The following KSR2 variants were observed in gnomAD, a reference collection of about 807,000 sequenced individuals.
KSR2 encodes kinase suppressor of ras 2.
KSR2 carries 25 observed loss-of-function variants against 107.8 expected under a neutral mutation model. The observed-to-expected ratio is 0.23, with a 90% CI of 0.17 to 0.32. KSR2 has a LOEUF of 0.32. KSR2 is among the 10% of genes least tolerant of loss of function. The probability of loss-of-function intolerance (pLI) is 1.00; values close to 1 mark genes in which losing one functional copy is unlikely to be tolerated. For missense variants in KSR2, 887 were observed against 1,268.9 expected, an observed-to-expected ratio of 0.70 and a Z score of 4.57; for synonymous variants, 480 against 507.0, an observed-to-expected ratio of 0.95 and a Z score of 0.71.
At chr12:117,730,473 TCTCC>T (rs1887619748) in intron 4 of KSR2, among the ~76,000 whole-genome samples, 2 of 149,362 alleles carry the variant, frequency 1.3e-5, no homozygotes, top group Non-Finnish European at 3.0e-5. Flanking sequence ...TCGTCTCCCC[TCTCC>T]CTCGTCTCCC....
At chr12:117,474,591 G>A (rs1871661769) in intron 17 of KSR2, among the ~76,000 whole-genome samples, 1 of 152,066 alleles carries the variant, frequency 6.6e-6, no homozygotes, top group South Asian at 2.1e-4. Flanking sequence ...TGTGGACAAG[G>A]TTAGGCAAGG....
intron 9 of KSR2, among the ~76,000 whole-genome samples, chr12:117,544,061 C>T (rs1335977862): frequency 6.6e-6 from 1 of 152,176 alleles, no homozygotes; most frequent in Non-Finnish European, 1.5e-5. Flanking sequence ...CTGCAAAGTT[C>T]CTATTTCCAA....
At chr12:117,877,461 T>C (rs756801777) in intron 1 of KSR2, among the ~76,000 whole-genome samples, 37 of 152,328 alleles carry the variant, frequency 2.4e-4, no homozygotes, top group Non-Finnish European at 5.0e-4. Context: ...ATGCTAGCCC[T>C]GTGCCTACTG....
intron 9 of KSR2, among the ~76,000 whole-genome samples, chr12:117,540,761 G>C (rs142449564): frequency 6.6e-6 from 1 of 152,308 alleles, no homozygotes; most frequent in African/African-American, 2.4e-5. Flanking sequence ...CTGGGAGAGA[G>C]GCATGGAACA....
rs1870778837 is a variant in KSR2, at chr12:117,459,325, T to C, written c.*7874A>G. ...CTGACTTAGGGGAGTTTATTATAGC[T>C]TCCCTCTCTGGGCCTCAGATCCTGC... On this transcript the variant is annotated 3_prime_UTR_variant, in exon 20 of 20. Coordinates refer to ENST00000339824, the MANE Select transcript of KSR2 (RefSeq NM_173598.6). 1 of 150,744 alleles carries C rather than the reference T, an allele frequency of 6.6e-6. No individual in the cohort carries two copies. Among genetic ancestry groups the C allele is most frequent in the Admixed American group, 6.6e-5 (1 of 15,136 alleles). The allele number at this position is 150,744 out of a possible 1,614,324, so 9.3% of individuals were successfully genotyped here.
chr12:117,767,468 CA>C lies in KSR2; in HGVS notation c.473-5945del, dbSNP rs1737762700. Among the ~76,000 whole-genome samples the C allele has an allele frequency of 4.7e-5, 7 of 149,532 alleles. No individual in the cohort carries two copies. In the South Asian group the frequency reaches 1.5e-3, roughly 32 times the overall value. ...GAAAAAAAAGAGACAAACAGGTACA[CA>C]AAAAGGAAATGAGGCTCTGGGGAAG... On this transcript the variant is annotated intron_variant, in intron 3 of 19. Coordinates refer to ENST00000339824, the MANE Select transcript of KSR2 (RefSeq NM_173598.6).
intron 5 of KSR2, among the ~76,000 whole-genome samples, chr12:117,609,130 T>C (rs533945349): frequency 4.9e-4 from 75 of 152,288 alleles, no homozygotes; most frequent in African/African-American, 1.7e-3. Context: ...AGGTGGCCTA[T>C]AGATTTTATA....
At chr12:117,715,348 A>G (rs1593161110) in intron 4 of KSR2, among the ~76,000 whole-genome samples, 1 of 152,192 alleles carries the variant, frequency 6.6e-6, no homozygotes, top group East Asian at 1.9e-4. Context: ...AAAATGCAAC[A>G]TTCAGGAATA....
At chr12:117,862,496 T>A (rs1438803375) in intron 1 of KSR2, among the ~76,000 whole-genome samples, 1 of 151,844 alleles carries the variant, frequency 6.6e-6, no homozygotes, top group East Asian at 1.9e-4. Context: ...TGAAACCCTG[T>A]CTCTACAAAA....
chr12:117,740,440 A>ATATG (rs1565989947), intron 4 of KSR2, among the ~76,000 whole-genome samples: 7,893 of 94,658 alleles, frequency 0.083, 309 homozygotes, highest in Admixed American at 0.15. Context: ...ATATTACATT[A>ATATG]ATATATGTAT....
intron 7 of KSR2, among the ~76,000 whole-genome samples, chr12:117,558,873 G>T (rs561333940): frequency 8.5e-5 from 13 of 152,104 alleles, no homozygotes; most frequent in Non-Finnish European, 1.5e-4. Flanking sequence ...TGGATGAATA[G>T]ATGGATAAAT....
chr12:117,917,021 G>C (rs1895198076), intron 1 of KSR2, among the ~76,000 whole-genome samples: 1 of 152,082 alleles, frequency 6.6e-6, no homozygotes, highest in East Asian at 1.9e-4. Context: ...TTGCTGTGAT[G>C]GGCCATTCAG....
intron 1 of KSR2, among the ~76,000 whole-genome samples, chr12:117,914,827 C>A (rs11068742): frequency 1.3e-5 from 2 of 152,152 alleles, no homozygotes; most frequent in Admixed American, 6.5e-5. Flanking sequence ...TGAGCCACTG[C>A]GCCCAGCCAA....
chr12:117,742,040 C>T (rs565632142), intron 4 of KSR2, among the ~76,000 whole-genome samples: 7 of 152,286 alleles, frequency 4.6e-5, no homozygotes, highest in South Asian at 2.1e-4. Context: ...TGGGTCAGAT[C>T]GACAGGTGTT....
chr12:117,743,679 G>A (rs569297545), intron 4 of KSR2, among the ~76,000 whole-genome samples: 1 of 152,302 alleles, frequency 6.6e-6, no homozygotes, highest in South Asian at 2.1e-4. Flanking sequence ...TTTGGCCAAT[G>A]GGTGGCATGG....
At chr12:117,579,912 T>C (rs1879540252) in intron 6 of KSR2, among the ~76,000 whole-genome samples, 1 of 152,178 alleles carries the variant, frequency 6.6e-6, no homozygotes, top group African/African-American at 2.4e-5. Context: ...ATTAACTCCC[T>C]GGGCACATCT....
intron 4 of KSR2, among the ~76,000 whole-genome samples, chr12:117,724,523 C>T (rs1014042304): frequency 6.6e-6 from 1 of 152,050 alleles, no homozygotes; most frequent in African/African-American, 2.4e-5. Context: ...GGTGGCTTTG[C>T]TGCTGGTAGC....
At chr12:117,637,109 C>CCTT (rs56346555) in intron 5 of KSR2, among the ~76,000 whole-genome samples, 25,065 of 152,108 alleles carry the variant, frequency 0.16, 2,141 homozygotes, top group Middle Eastern at 0.24. Context: ...GGCACCATCT[C>CCTT]CTCACCTTCT....
chr12:117,717,669 G>A (rs576443177), intron 4 of KSR2, among the ~76,000 whole-genome samples: 229 of 3,618 alleles, frequency 0.063, 1 homozygote, highest in African/African-American at 0.23. Flanking sequence ...GCAGACAGGT[G>A]TGTGTGTGTG....
Sources: allele counts gnomAD v4.1 joint callset (sites outside exome capture counted in the v4.1 genomes callset), GRCh38; gene constraint gnomAD v4.1.1; transcripts MANE v1.5; gene names NCBI Gene and HGNC (gene_info 2026-07-23, HGNC 2026-07-21).